The following CDKAL1 variants were observed in gnomAD, a reference collection of about 807,000 sequenced individuals.
CDKAL1 encodes the protein threonylcarbamoyladenosine tRNA methylthiotransferase.
Under a neutral mutation model 68.2 loss-of-function variants are expected in CDKAL1, and 32 were observed. That is an observed-to-expected ratio of 0.47 (90% CI 0.35 to 0.63). The LOEUF is 0.63. Among genes scored for constraint, CDKAL1 ranks in the 30% least tolerant of loss-of-function variants. The probability of loss-of-function intolerance (pLI) is 0.00; values close to 1 mark genes in which losing one functional copy is unlikely to be tolerated. For missense variants in CDKAL1, 606 were observed against 696.7 expected (o/e 0.87, Z 1.47); for synonymous variants, 234 against 244.3 (o/e 0.96, Z 0.39).
chr6:20,746,132 G>A (rs1773655641), intron 6 of CDKAL1, among the ~76,000 whole-genome samples: 1 of 152,150 alleles, frequency 6.6e-6, no homozygotes, highest in Admixed American at 6.5e-5. Context: ...TTAAGAGGAA[G>A]AGAGGTTCCT....
intron 13 of CDKAL1, among the ~76,000 whole-genome samples, chr6:21,168,663 G>A (rs1437009731): frequency 2.0e-5 from 3 of 152,160 alleles, no homozygotes; most frequent in African/African-American, 2.4e-5. Flanking sequence ...CTAAAAATCA[G>A]TGTAGTTTCA....
chr6:20,804,028 A>G (rs539176670), intron 8 of CDKAL1, among the ~76,000 whole-genome samples: 20 of 152,232 alleles, frequency 1.3e-4, no homozygotes, highest in African/African-American at 4.3e-4. Flanking sequence ...TTGGTCAACA[A>G]TTTTCCAATA....
chr6:20,762,940 G>A (rs4712540), intron 7 of CDKAL1, among the ~76,000 whole-genome samples: 85,101 of 151,926 alleles, frequency 0.56, 24,233 homozygotes, highest in East Asian at 0.8. Context: ...CATGCATGCT[G>A]TACATTATAC....
intron 13 of CDKAL1, among the ~76,000 whole-genome samples, chr6:21,121,248 T>C (rs1022874135): frequency 3.3e-5 from 5 of 152,220 alleles, no homozygotes; most frequent in African/African-American, 1.2e-4. Context: ...AGTGATTTGG[T>C]CTTTGATTTT....
At chr6:20,915,045 A>G (rs1762658002) in intron 9 of CDKAL1, among the ~76,000 whole-genome samples, 1 of 152,058 alleles carries the variant, frequency 6.6e-6, no homozygotes, top group Non-Finnish European at 1.5e-5. Flanking sequence ...CTTATATCGT[A>G]TTTACTGATT....
intron 4 of CDKAL1, among the ~76,000 whole-genome samples, chr6:20,634,977 CAAAAAAAA>C (rs142659533): frequency 4.0e-5 from 4 of 99,854 alleles, no homozygotes; most frequent in Non-Finnish European, 6.0e-5. Flanking sequence ...AACCCCGTCT[CAAAAAAAA>C]AAAAAAAAAA....
At chr6:20,714,053 G>C (rs531464502) in intron 5 of CDKAL1, among the ~76,000 whole-genome samples, 1 of 152,040 alleles carries the variant, frequency 6.6e-6, no homozygotes, top group African/African-American at 2.4e-5. Flanking sequence ...TGTCAAGATA[G>C]ACTTATACTT....
intron 11 of CDKAL1, among the ~76,000 whole-genome samples, chr6:21,046,324 T>C (rs1163531148): frequency 1.3e-5 from 2 of 152,234 alleles, no homozygotes; most frequent in East Asian, 1.9e-4. Flanking sequence ...TTTTAAAGTG[T>C]TTCTTGGCAT....
intron 4 of CDKAL1, among the ~76,000 whole-genome samples, chr6:20,577,219 A>G (rs1164944489): frequency 6.6e-6 from 1 of 152,226 alleles, no homozygotes; most frequent in Non-Finnish European, 1.5e-5. Flanking sequence ...AACACATTTT[A>G]TTATGAACTA....
intron 13 of CDKAL1, among the ~76,000 whole-genome samples, chr6:21,117,795 G>A (rs1774493019): frequency 6.6e-6 from 1 of 152,152 alleles, no homozygotes; most frequent in Admixed American, 6.5e-5. Context: ...AATACAAAAT[G>A]ATTGTAAAAC....
intron 5 of CDKAL1, among the ~76,000 whole-genome samples, chr6:20,724,155 C>G (rs977905638): frequency 2.0e-5 from 3 of 152,088 alleles, no homozygotes; most frequent in African/African-American, 7.2e-5. Flanking sequence ...CCAGGCTGGT[C>G]TCGAACTCCT....
chr6:20,607,167 A>G (rs1160278166), intron 4 of CDKAL1, among the ~76,000 whole-genome samples: 3 of 152,210 alleles, frequency 2.0e-5, no homozygotes, highest in African/African-American at 7.2e-5. Flanking sequence ...GAAAGAACGT[A>G]AAGTAGTTTT....
At chr6:20,878,776 T>C (rs991469255) in intron 9 of CDKAL1, among the ~76,000 whole-genome samples, 1 of 140,926 alleles carries the variant, frequency 7.1e-6, no homozygotes, top group African/African-American at 2.7e-5. Flanking sequence ...TCTATCAGAT[T>C]TTAAAGAAAT....
intron 11 of CDKAL1, among the ~76,000 whole-genome samples, chr6:21,011,204 C>T (rs191548024): frequency 6.7e-6 from 1 of 149,784 alleles, no homozygotes; most frequent in East Asian, 2.0e-4. Context: ...TGGTGAAACC[C>T]CATCTCTACT....
chr6:21,181,362 G>A (rs533828969), intron 13 of CDKAL1, among the ~76,000 whole-genome samples: 1 of 152,264 alleles, frequency 6.6e-6, no homozygotes, highest in South Asian at 2.1e-4. Flanking sequence ...GAGGTTATTA[G>A]GCCATGAGGG....
At chr6:21,003,692 C>T (rs1050419235) in intron 11 of CDKAL1, among the ~76,000 whole-genome samples, 6 of 152,098 alleles carry the variant, frequency 3.9e-5, no homozygotes, top group African/African-American at 7.2e-5. Flanking sequence ...ATTTTGGAAA[C>T]ACCAAAGTTT....
At chr6:20,921,519 T>C (rs1275201886) in intron 9 of CDKAL1, among the ~76,000 whole-genome samples, 1 of 152,200 alleles carries the variant, frequency 6.6e-6, no homozygotes, top group Non-Finnish European at 1.5e-5. Flanking sequence ...TATTTTAAGT[T>C]GATGTTTCAG....
intron 5 of CDKAL1, among the ~76,000 whole-genome samples, chr6:20,692,486 G>A (rs1770914425): frequency 6.6e-6 from 1 of 152,050 alleles, no homozygotes; most frequent in South Asian, 2.1e-4. Flanking sequence ...AACCATTCTG[G>A]GCTTTGATTT....
intron 8 of CDKAL1, among the ~76,000 whole-genome samples, chr6:20,828,360 C>T (rs1445686176): frequency 6.6e-6 from 1 of 151,904 alleles, no homozygotes; most frequent in Non-Finnish European, 1.5e-5. Flanking sequence ...TCCCAAGTAG[C>T]TTGGATTGCA....
Sources: allele counts gnomAD v4.1 joint callset (sites outside exome capture counted in the v4.1 genomes callset), GRCh38; gene constraint gnomAD v4.1.1; transcripts MANE v1.5; gene names NCBI Gene and HGNC (gene_info 2026-07-23, HGNC 2026-07-21).